DIS3L2: variants seen among roughly 807,000 people sequenced by gnomAD.
DIS3L2 encodes the protein DIS3 like 3'-5' exoribonuclease 2.
A neutral mutation model predicts 97.5 loss-of-function variants in DIS3L2; 34 were observed. That is an observed-to-expected ratio of 0.35 (90% CI 0.27 to 0.46). DIS3L2 has a LOEUF of 0.46. DIS3L2 is among the 20% of genes least tolerant of loss of function. The pLI is 1.00. For missense variants in DIS3L2, 1,038 were observed against 1,146.0 expected, an observed-to-expected ratio of 0.91 and a Z score of 1.36; for synonymous variants, 435 against 445.2, an observed-to-expected ratio of 0.98 and a Z score of 0.29.
intron 6 of DIS3L2, among the ~76,000 whole-genome samples, chr2:232,098,512 C>T (rs1379403419): frequency 6.6e-6 from 1 of 151,994 alleles, no homozygotes; most frequent in Non-Finnish European, 1.5e-5. Flanking sequence ...CACCACCATG[C>T]CTGGTTAATT....
intron 12 of DIS3L2, among the ~76,000 whole-genome samples, chr2:232,257,366 C>T (rs994451153): frequency 2.6e-5 from 4 of 152,110 alleles, no homozygotes; most frequent in East Asian, 3.9e-4. Context: ...TCTTCCAGCC[C>T]GTCCTCTCTC....
intron 12 of DIS3L2, among the ~76,000 whole-genome samples, chr2:232,253,281 G>C (rs1574973753): frequency 1.3e-5 from 2 of 152,238 alleles, no homozygotes; most frequent in Admixed American, 1.3e-4. Context: ...TTGCACCAAG[G>C]CAGCCACTTT....
intron 1 of DIS3L2, among the ~76,000 whole-genome samples, chr2:231,991,112 G>A (rs796282034): frequency 1.3e-4 from 19 of 151,816 alleles, no homozygotes; most frequent in African/African-American, 4.1e-4. Flanking sequence ...TTGCCATGTC[G>A]CCCAGGCTGG....
intron 5 of DIS3L2, among the ~76,000 whole-genome samples, chr2:232,068,737 A>T (rs1032617299): frequency 2.0e-5 from 3 of 152,160 alleles, no homozygotes; most frequent in Admixed American, 1.3e-4. Flanking sequence ...CACTGTCCTG[A>T]ATCTCCCTTG....
At chr2:232,274,717 G>A (rs558100007) in intron 13 of DIS3L2, among the ~76,000 whole-genome samples, 1 of 152,296 alleles carries the variant, frequency 6.6e-6, no homozygotes, top group African/African-American at 2.4e-5. Context: ...TTGAAGACAA[G>A]ATATAATAAG....
At chr2:232,158,226 A>C (rs925653510) in intron 8 of DIS3L2, among the ~76,000 whole-genome samples, 9 of 152,140 alleles carry the variant, frequency 5.9e-5, no homozygotes, top group Middle Eastern at 6.8e-3. Flanking sequence ...TATCGTGTCC[A>C]TTTATGACTC....
intron 14 of DIS3L2, among the ~76,000 whole-genome samples, chr2:232,306,959 C>T (rs1353908348): frequency 2.6e-5 from 4 of 152,250 alleles, no homozygotes; most frequent in Admixed American, 2.0e-4. Context: ...TTCCCAGAAC[C>T]CCGTGCCCAC....
chr2:232,321,272 G>A (rs1695424024), intron 14 of DIS3L2, among the ~76,000 whole-genome samples: 1 of 152,008 alleles, frequency 6.6e-6, no homozygotes, highest in Admixed American at 6.6e-5. Context: ...ACCTGGGCGA[G>A]GGACTGACCT....
intron 13 of DIS3L2, among the ~76,000 whole-genome samples, chr2:232,285,058 T>G (rs1243524141): frequency 1.3e-5 from 2 of 152,248 alleles, no homozygotes; most frequent in Non-Finnish European, 2.9e-5. Flanking sequence ...CCAACCCATT[T>G]TTAATAGGAT....
chr2:232,148,074 G>A (rs1443350632), intron 8 of DIS3L2, among the ~76,000 whole-genome samples: 3 of 129,284 alleles, frequency 2.3e-5, no homozygotes, highest in African/African-American at 8.8e-5. Context: ...TTCTTTTGAC[G>A]GAGTCTCACT....
At chr2:232,271,585 A>G (rs1694009671) in intron 13 of DIS3L2, among the ~76,000 whole-genome samples, 2 of 152,210 alleles carry the variant, frequency 1.3e-5, no homozygotes, top group Non-Finnish European at 2.9e-5. Flanking sequence ...AGCCTCCTAC[A>G]TTTTCCCAGT....
chr2:232,168,425 T>C (rs563607322), intron 9 of DIS3L2, among the ~76,000 whole-genome samples: 2 of 152,352 alleles, frequency 1.3e-5, no homozygotes, highest in East Asian at 3.9e-4. Context: ...TTTCTAGTGT[T>C]AATGATACTA....
chr2:232,203,170 T>G (rs1193553897), intron 9 of DIS3L2, among the ~76,000 whole-genome samples: 1 of 152,218 alleles, frequency 6.6e-6, no homozygotes, highest in Admixed American at 6.5e-5. Flanking sequence ...GACTGAAAGT[T>G]TTATTCTTTA....
chr2:232,270,179 C>T (rs181543922), intron 13 of DIS3L2, among the ~76,000 whole-genome samples: 8 of 152,158 alleles, frequency 5.3e-5, no homozygotes, highest in Non-Finnish European at 7.4e-5. Flanking sequence ...TAGGCCTCTC[C>T]GGTCCCCTCT....
At chr2:232,038,370 A>G (rs1695013092) in intron 5 of DIS3L2, among the ~76,000 whole-genome samples, 1 of 152,166 alleles carries the variant, frequency 6.6e-6, no homozygotes, top group Non-Finnish European at 1.5e-5. Context: ...AATAGGGAGA[A>G]ACAGAAGAAT....
At chr2:232,082,769 C>A (rs995527392) in intron 5 of DIS3L2, among the ~76,000 whole-genome samples, 2 of 152,164 alleles carry the variant, frequency 1.3e-5, no homozygotes, top group East Asian at 1.9e-4. Flanking sequence ...TTTGAATATG[C>A]TCTACAGTTA....
intron 14 of DIS3L2, among the ~76,000 whole-genome samples, chr2:232,315,755 T>C (rs542079245): frequency 4.6e-5 from 7 of 152,170 alleles, no homozygotes; most frequent in Non-Finnish European, 8.8e-5. Flanking sequence ...TTTCGTAGAG[T>C]GACTCAGAGC....
chr2:232,311,167 G>A (rs928480441), intron 14 of DIS3L2, among the ~76,000 whole-genome samples: 2 of 152,152 alleles, frequency 1.3e-5, no homozygotes, highest in Non-Finnish European at 2.9e-5. Context: ...TGGGGGAGCC[G>A]CAAAAATCGG....
chr2:232,072,998 C>T (rs190189449), intron 5 of DIS3L2, among the ~76,000 whole-genome samples: 16 of 152,170 alleles, frequency 1.1e-4, no homozygotes, highest in African/African-American at 2.4e-4. Context: ...CCTAAGCAAA[C>T]GAAGTTCCCA....
Sources: gnomAD v4.1 joint callset for allele counts (sites outside exome capture counted in the v4.1 genomes callset) on GRCh38, gnomAD v4.1.1 for gene constraint, MANE v1.5 for transcripts, NCBI Gene and HGNC (gene_info 2026-07-23, HGNC 2026-07-21) for gene names.